The following DLEC1 variants were observed in gnomAD, a reference collection of about 807,000 sequenced individuals.
The protein encoded by DLEC1 is deleted in lung and esophageal cancer protein 1.
In DLEC1, 146 loss-of-function variants were observed where a neutral mutation model predicts 198.1. The observed-to-expected ratio is 0.74, with a 90% CI of 0.64 to 0.85. DLEC1 has a LOEUF of 0.85. DLEC1 is among the 40% of genes least tolerant of loss of function. The pLI is 0.00. For synonymous variants in DLEC1, 897 were observed against 866.8 expected (o/e 1.03, Z -0.61); for missense variants, 2,233 against 2,220.0 (o/e 1.01, Z -0.12).
At chr3:38,051,147 C>A (rs1357490095) in intron 2 of DLEC1, among the ~76,000 whole-genome samples, 7 of 152,240 alleles carry the variant, frequency 4.6e-5, no homozygotes, top group Non-Finnish European at 8.8e-5. Flanking sequence ...GCAATCCGCC[C>A]ACCTCAGCCT....
chr3:38,116,379 A>G lies in DLEC1; in HGVS notation c.3857-74A>G, dbSNP rs1700158128. 3 of 1,450,224 alleles carry G rather than the reference A, an allele frequency of 2.1e-6. No individual in the cohort carries two copies. The Admixed American group carries it at 5.5e-5, about 27-fold the overall frequency. The allele number at this position is 1,450,224 out of a possible 1,614,324, so 89.8% of individuals were successfully genotyped here. A position where few individuals can be genotyped will look rare whatever the true frequency, so the allele number is the denominator to read the frequency against. The stretch of plus-strand genomic sequence containing the variant: ...GAATAGGTCATCTCTGTCTGGGGGT[A>G]TGAGGAGGAGGGGGCCCCGGGGGGT... On this transcript the variant is annotated intron_variant, in intron 27 of 36. Coordinates refer to ENST00000308059, the MANE Select transcript of DLEC1 (RefSeq NM_007335.4).
chr3:38,093,074 G>A (rs902378008), intron 11 of DLEC1, among the ~76,000 whole-genome samples, 194 bp downstream of exon 11: 8 of 152,222 alleles, frequency 5.3e-5, no homozygotes, highest in Non-Finnish European at 8.8e-5. Context: ...TGGAGACCAA[G>A]CCAGTGTGGC....
At chr3:38,095,241 G>A (rs1350104711) in intron 13 of DLEC1, 170 bp downstream of exon 13, 2 of 721,766 alleles carry the variant, frequency 2.8e-6, no homozygotes, top group Non-Finnish European at 4.5e-6. Context: ...TGTGCAGGGT[G>A]AAGCAGCTCA....
chr3:38,096,794 A>C (rs1349432982), intron 15 of DLEC1, 57 bp downstream of exon 15: 1 of 1,529,544 alleles, frequency 6.5e-7, no homozygotes, highest in Non-Finnish European at 8.8e-7. Context: ...ACATGAGTGC[A>C]AGTGTAGGGA....
At chr3:38,075,700 C>T (rs957872337) in intron 6 of DLEC1, among the ~76,000 whole-genome samples, 2 of 151,678 alleles carry the variant, frequency 1.3e-5, no homozygotes, top group Non-Finnish European at 2.9e-5. Context: ...GAGGTCGGGG[C>T]ACAGAAATAA....
chr3:38,039,452 AGC>A lies in DLEC1; in HGVS notation c.228_229del (p.Glu76AspfsTer50). 1.2e-6 allele frequency: 2 copies of A among 1,613,962 alleles called. No individual in the cohort carries two copies. The highest frequency in any genetic ancestry group is 1.7e-6 in the Non-Finnish European group (2 of 1,179,876). Reference sequence around the variant, plus strand: ...CAGCTTGCGCTGGCGCAGCGTCCCGAGCCTCAGCTGCTTCGTCTGCGCCCCTC... The same window carrying A: ...CAGCTTGCGCTGGCGCAGCGTCCCGACTCAGCTGCTTCGTCTGCGCCCCTC... On this transcript the variant is annotated frameshift_variant, in exon 1 of 37. Coordinates refer to ENST00000308059, the MANE Select transcript of DLEC1 (RefSeq NM_007335.4). LOFTEE classifies it high-confidence loss of function.
chr3:38,056,740 A>G (rs1696392202), intron 2 of DLEC1, among the ~76,000 whole-genome samples: 1 of 152,240 alleles, frequency 6.6e-6, no homozygotes, highest in African/African-American at 2.4e-5. Flanking sequence ...AAAAAAAGTG[A>G]AAACAAAATC....
In DLEC1 at chr3:38,100,422, G is replaced by C; in HGVS notation, c.2861G>C (p.Trp954Ser). The C allele has an allele frequency of 6.2e-7, 1 of 1,611,184 alleles. No individual in the cohort carries two copies. Among genetic ancestry groups the C allele is most frequent in the Non-Finnish European group, 8.5e-7 (1 of 1,178,948 alleles). Reference protein sequence around the residue: ...VLELEVENGAWSYLPVYAEVQ... With the variant: ...VLELEVENGASSYLPVYAEVQ... ...GAGCTGGAGGTGGAAAATGGTGCCT[G>C]GAGGTAAGGGTGCCGTGGGAAGAGC... is the stretch of plus-strand genomic sequence containing the variant. The change falls in exon 19 of 37, where the codon TGG becomes TCG. Residue 954 changes from tryptophan (W) to serine (S), a missense_variant. Transcript: ENST00000308059.
intron 6 of DLEC1, among the ~76,000 whole-genome samples, chr3:38,074,213 G>A (rs1337514758): frequency 2.6e-5 from 4 of 152,252 alleles, no homozygotes; most frequent in Non-Finnish European, 4.4e-5. Context: ...GTGTGGCTGA[G>A]TTTTGTCTCA....
intron 2 of DLEC1, among the ~76,000 whole-genome samples, chr3:38,058,019 G>A (rs1466707325): frequency 6.6e-6 from 1 of 151,946 alleles, no homozygotes; most frequent in Non-Finnish European, 1.5e-5. Flanking sequence ...GTTTCACCGT[G>A]GTCTCGATCT....
intron 2 of DLEC1, among the ~76,000 whole-genome samples, chr3:38,046,700 T>G (rs562028534): frequency 6.6e-6 from 1 of 152,212 alleles, no homozygotes; most frequent in Non-Finnish European, 1.5e-5. Flanking sequence ...TGTCAGGGTT[T>G]TTTAACACAA....
intron 2 of DLEC1, among the ~76,000 whole-genome samples, chr3:38,056,536 T>C (rs13316174): frequency 0.013 from 1,959 of 152,166 alleles, 38 homozygotes; most frequent in African/African-American, 0.043. Flanking sequence ...TCTTGAACTC[T>C]TGACCTCAAG....
rs764822284 is a variant in DLEC1, at chr3:38,112,286, C to CT, written c.3592dup (p.Tyr1198LeufsTer7). On this transcript the variant is annotated frameshift_variant, in exon 25 of 37. Transcript: ENST00000308059. LOFTEE classifies it high-confidence loss of function. This position sits in a 1 kb window ranked among gnomAD's most constrained non-coding sequence, Gnocchi z 4.8. ...ACTTTTCCCAGGGCATGCTGGGGCC[C>CT]TACCAGCAGCTGTGCATTGACATCA... 52 of 1,614,060 alleles carry CT rather than the reference C, an allele frequency of 3.2e-5. No individual in the cohort carries two copies. Among genetic ancestry groups the CT allele is most frequent in the Non-Finnish European group, 2.2e-5 (26 of 1,180,026 alleles).
chr3:38,088,385 G>A lies in DLEC1; in HGVS notation c.1662G>A (p.Val554=), dbSNP rs1181328669. The change falls in exon 10 of 37, where the codon GTG becomes GTA. Residue 554 remains valine, a synonymous_variant. Transcript: ENST00000308059. The stretch of plus-strand genomic sequence containing the variant: ...TGGCCCCGGGACATGCTATATTAGT[G>A]GAGGTAGGTAATCAGACATTGGCAT... ...FELAPGHAIL[V]EVLFSPKSLG... is the part of the protein sequence containing the mutation. The A allele has an allele frequency of 1.2e-6, 2 of 1,611,130 alleles. No homozygotes were observed. The highest frequency in any genetic ancestry group is 2.2e-5 in the South Asian group (2 of 90,844).
chr3:38,083,163 G>A (rs1698149222), intron 6 of DLEC1, among the ~76,000 whole-genome samples: 2 of 151,780 alleles, frequency 1.3e-5, no homozygotes, highest in South Asian at 4.2e-4. Flanking sequence ...GAGGACCTGA[G>A]GTCGTAGGTG....
At chr3:38,047,297 T>C (rs1468678024) in intron 2 of DLEC1, among the ~76,000 whole-genome samples, 1 of 152,236 alleles carries the variant, frequency 6.6e-6, no homozygotes, top group Non-Finnish European at 1.5e-5. Context: ...GTTGACTTTA[T>C]TAATTATGGT....
chr3:38,112,093 C>A lies in DLEC1; in HGVS notation c.3515-117C>A. 1 of 1,508,894 alleles carries A rather than the reference C, an allele frequency of 6.6e-7. No homozygotes were observed. The highest frequency in any genetic ancestry group is 9.1e-7 in the Non-Finnish European group (1 of 1,103,768). The allele number at this position is 1,508,894 out of a possible 1,614,324, so 93.5% of individuals were successfully genotyped here. A position where few individuals can be genotyped will look rare whatever the true frequency, so the allele number is the denominator to read the frequency against. Reference sequence around the variant, plus strand: ...CAGGAGGAGGGCACATGTAGCCTGACCAAGGAGAGGCTGGAGGGTGGCTTA... The same window carrying A: ...CAGGAGGAGGGCACATGTAGCCTGAACAAGGAGAGGCTGGAGGGTGGCTTA... On this transcript the variant is annotated intron_variant, in intron 24 of 36. Coordinates refer to ENST00000308059, the MANE Select transcript of DLEC1 (RefSeq NM_007335.4). This position sits in a 1 kb window ranked among gnomAD's most constrained non-coding sequence, Gnocchi z 4.8.
At chr3:38,111,856 G>A (rs1699899944) in intron 24 of DLEC1, 109 bp downstream of exon 24, 3 of 1,260,128 alleles carry the variant, frequency 2.4e-6, no homozygotes, top group African/African-American at 1.5e-5. Flanking sequence ...ACCAGAGACT[G>A]CTCTCAGATG....
chr3:38,090,382 C>T (rs1698680904), intron 10 of DLEC1, among the ~76,000 whole-genome samples: 1 of 152,122 alleles, frequency 6.6e-6, no homozygotes, highest in Non-Finnish European at 1.5e-5. Context: ...TTTTTCTTCA[C>T]ACACAAAGTT....
Sources: allele counts gnomAD v4.1 joint callset (sites outside exome capture counted in the v4.1 genomes callset), GRCh38; gene constraint gnomAD v4.1.1; non-coding constraint Gnocchi (gnomAD v3.1); transcripts MANE v1.5; gene names NCBI Gene and HGNC (gene_info 2026-07-23, HGNC 2026-07-21).